CROCC2: variants seen among roughly 807,000 people sequenced by gnomAD.
CROCC2 encodes ciliary rootlet coiled-coil, rootletin family member 2, also known as ciliary rootlet coiled-coil protein 2.
A neutral mutation model predicts 177.6 loss-of-function variants in CROCC2; 163 were observed. The ratio of observed to expected loss-of-function variants is 0.92; its 90% confidence interval spans 0.81 to 1.05. CROCC2 has a LOEUF of 1.05. CROCC2 is among the 50% of genes least tolerant of loss of function. CROCC2 has a pLI of 0.00. For synonymous variants in CROCC2, 904 were observed against 787.3 expected (o/e 1.15, Z -2.48); for missense variants, 1,929 against 1,797.8 (o/e 1.07, Z -1.32).
At chr2:240,931,520 C>T (rs971884628) in intron 7 of CROCC2, among the ~76,000 whole-genome samples, 2 of 152,300 alleles carry the variant, frequency 1.3e-5, no homozygotes, top group East Asian at 1.9e-4. Flanking sequence ...ACCTCCTGCC[C>T]GATATGAAGG....
Position 240,933,120 on chromosome 2 carries a change from C to T in CROCC2, c.1252-11C>T, listed in dbSNP as rs977206468. On this transcript the variant is annotated splice_polypyrimidine_tract_variant and intron_variant, in intron 9 of 31. Transcript: ENST00000690015. ...GGCCAGAGAGGCCCACAACTTACCC[C>T]ACCCGAGCAGGAGCTGTGCCTGCAG... 1 of 1,550,074 alleles carries T rather than the reference C, an allele frequency of 6.5e-7. No individual in the cohort carries two copies. The highest frequency in any genetic ancestry group is 8.7e-7 in the Non-Finnish European group (1 of 1,146,850).
intron 14 of CROCC2, among the ~76,000 whole-genome samples, chr2:240,940,974 A>G (rs985232060): frequency 6.6e-6 from 1 of 152,216 alleles, no homozygotes; most frequent in Non-Finnish European, 1.5e-5. Flanking sequence ...GATCTGGTAA[A>G]TGAATTCAGC....
chr2:240,975,682 C>A (rs2059755772), intron 27 of CROCC2, among the ~76,000 whole-genome samples: 1 of 150,300 alleles, frequency 6.7e-6, no homozygotes. Context: ...AACAGCTTCC[C>A]TGGGGGCATC....
Position 240,960,058 on chromosome 2 carries a change from A to G in CROCC2, c.3087+614A>G, listed in dbSNP as rs963720573. On this transcript the variant is annotated intron_variant, in intron 20 of 31. Transcript: ENST00000690015. This position sits in a 1 kb window ranked among gnomAD's most constrained non-coding sequence, Gnocchi z 5.0. ...CACGCACAGTTAAGAAAGTGGAGTC[A>G]GGAAGGGCCTGACTCTGGAGGCACT... Among the ~76,000 whole-genome samples, 1 of 152,250 alleles carries G rather than the reference A, an allele frequency of 6.6e-6. No individual in the cohort carries two copies. Among genetic ancestry groups the G allele is most frequent in the African/African-American group, 2.4e-5 (1 of 41,472 alleles).
Position 240,993,116 on chromosome 2 carries a change from G to A in CROCC2, c.*35G>A, listed in dbSNP as rs1467732991. On this transcript the variant is annotated 3_prime_UTR_variant, in exon 32 of 32. Coordinates refer to ENST00000690015, the MANE Select transcript of CROCC2 (RefSeq NM_001351305.2). ...CACAGGGGAGGCGCCCAGCGTGGCT[G>A]CAGAGGAAGGGAACGCACCGCAGGT... 2 of 715,840 alleles carry A rather than the reference G, an allele frequency of 2.8e-6. No homozygotes were observed. The highest frequency in any genetic ancestry group is 5.2e-6 in the Non-Finnish European group (2 of 384,050). 44.3% of individuals were successfully genotyped at this position (715,840 alleles called of 1,614,324 possible). A position where few individuals can be genotyped will look rare whatever the true frequency, so the allele number is the denominator to read the frequency against.
chr2:240,949,817 T>G lies in CROCC2; in HGVS notation c.2652+115T>G. 7 of 1,092,070 alleles carry G rather than the reference T, an allele frequency of 6.4e-6. No homozygotes were observed. Among genetic ancestry groups the G allele is most frequent in the South Asian group, 1.6e-5 (1 of 60,768 alleles). 67.6% of individuals were successfully genotyped at this position (1,092,070 alleles called of 1,614,324 possible). Reference sequence around the variant, plus strand: ...GACAGAGCTCAGAGACATAGGCGCCTGGCCAGGGCTGGGCAAGGACCAGCT... The same window carrying G: ...GACAGAGCTCAGAGACATAGGCGCCGGGCCAGGGCTGGGCAAGGACCAGCT... On this transcript the variant is annotated intron_variant, in intron 17 of 31. Coordinates refer to ENST00000690015, the MANE Select transcript of CROCC2 (RefSeq NM_001351305.2). This position sits in a 1 kb window ranked among gnomAD's most constrained non-coding sequence, Gnocchi z 4.5.
At chr2:240,988,906 C>A in intron 29 of CROCC2, 36 bp downstream of exon 29, 1 of 1,376,722 alleles carries the variant, frequency 7.3e-7, no homozygotes, top group Non-Finnish European at 9.5e-7. Context: ...ATACCCCAGG[C>A]CTGGGGGCAG....
At chr2:240,934,833 T>A in intron 12 of CROCC2, 83 bp from the exon 13 acceptor site, 1 of 1,378,936 alleles carries the variant, frequency 7.3e-7, no homozygotes, top group Admixed American at 3.1e-5. Flanking sequence ...CCTCCGTGGC[T>A]CAGGGCTCAC....
intron 18 of CROCC2, among the ~76,000 whole-genome samples, chr2:240,951,171 C>G (rs1343711359): frequency 2.0e-5 from 3 of 151,852 alleles, no homozygotes; most frequent in Admixed American, 2.0e-4. Flanking sequence ...ACACACCTAC[C>G]CATTCATCCA....
At chr2:240,934,280 C>A in intron 11 of CROCC2, 51 bp from the exon 12 acceptor site, 1 of 1,530,840 alleles carries the variant, frequency 6.5e-7, no homozygotes, top group Non-Finnish European at 8.8e-7. Flanking sequence ...TCCCATGGGG[C>A]AGCCACTGCT....
At position 240,973,134 on chromosome 2, in the gene CROCC2, G is replaced by C. The variant is rs1482602647; in HGVS notation, c.4401+4872G>C. On this transcript the variant is annotated intron_variant, in intron 27 of 31. Transcript: ENST00000690015. This position sits in a 1 kb window ranked among gnomAD's most constrained non-coding sequence, Gnocchi z 4.7. ...GCTTTCATGGGTTGGTTTTTCCCCTGTTTCACATAAGCCGATGTGTTTGTC... is the reference window on the plus strand; with the variant it reads ...GCTTTCATGGGTTGGTTTTTCCCCTCTTTCACATAAGCCGATGTGTTTGTC... Among the ~76,000 whole-genome samples, 1 of 152,180 alleles carries C rather than the reference G, an allele frequency of 6.6e-6. No individual in the cohort carries two copies. The highest frequency in any genetic ancestry group is 1.5e-5 in the Non-Finnish European group (1 of 68,036).
At chr2:240,922,842 A>AG (rs1343622202) in intron 4 of CROCC2, among the ~76,000 whole-genome samples, 197 bp downstream of exon 4, 2 of 152,102 alleles carry the variant, frequency 1.3e-5, no homozygotes, top group African/African-American at 4.8e-5. Flanking sequence ...ACGGCTGGGA[A>AG]GGGGGACTGA....
chr2:240,955,539 C>T, intron 18 of CROCC2: 1 of 290,968 alleles, frequency 3.4e-6, no homozygotes, highest in Non-Finnish European at 6.5e-6. Context: ...CCCCAAACTG[C>T]ATGGGAAAGG....
At chr2:240,980,066 T>G (rs370610157) in intron 27 of CROCC2, among the ~76,000 whole-genome samples, 1 of 60,696 alleles carries the variant, frequency 1.6e-5, no homozygotes, top group African/African-American at 6.5e-5. Flanking sequence ...CCCTGCTCAG[T>G]CTCTGGGGTA....
Position 240,958,707 on chromosome 2 carries a change from C to T in CROCC2, c.2944-594C>T, listed in dbSNP as rs2059609982. The T allele has an allele frequency of 3.8e-6, 2 of 530,226 alleles. No individual in the cohort carries two copies. The highest frequency in any genetic ancestry group is 2.4e-6 in the Non-Finnish European group (1 of 413,770). 32.8% of individuals were successfully genotyped at this position (530,226 alleles called of 1,614,324 possible). The stretch of plus-strand genomic sequence containing the variant: ...CACTGAGGCCCAGGAAGCTGAGACC[C>T]CCTGAGCCCCATCTGCCCTGCTGCC... On this transcript the variant is annotated intron_variant, in intron 19 of 31. Coordinates refer to ENST00000690015, the MANE Select transcript of CROCC2 (RefSeq NM_001351305.2). The surrounding 1 kb of genome is among the most constrained non-coding windows in gnomAD (Gnocchi z 6.7).
At chr2:240,969,706 G>A (rs979630374) in intron 27 of CROCC2, among the ~76,000 whole-genome samples, 1 of 152,162 alleles carries the variant, frequency 6.6e-6, no homozygotes, top group African/African-American at 2.4e-5. Context: ...CTGCTCACAG[G>A]TTACACATTT....
At chr2:240,987,718 G>T (rs1310134214) in intron 28 of CROCC2, among the ~76,000 whole-genome samples, 2 of 152,248 alleles carry the variant, frequency 1.3e-5, no homozygotes, top group African/African-American at 2.4e-5. Context: ...GGGCATTGGG[G>T]CCAACAGAGG....
chr2:240,915,959 G>A (rs1457444336), intron 1 of CROCC2, among the ~76,000 whole-genome samples: 2 of 152,156 alleles, frequency 1.3e-5, no homozygotes, highest in Middle Eastern at 3.2e-3. Flanking sequence ...AGCCTCCAGC[G>A]GACGCTGGGC....
At chr2:240,945,735 C>T (rs2059519832) in intron 14 of CROCC2, among the ~76,000 whole-genome samples, 1 of 152,056 alleles carries the variant, frequency 6.6e-6, no homozygotes, top group South Asian at 2.1e-4. Context: ...CTGTTACCTT[C>T]TATTGCCATT....
Sources: gnomAD v4.1 joint callset for allele counts (sites outside exome capture counted in the v4.1 genomes callset) on GRCh38, gnomAD v4.1.1 for gene constraint, Gnocchi (gnomAD v3.1) non-coding constraint, MANE v1.5 for transcripts, NCBI Gene and HGNC (gene_info 2026-07-23, HGNC 2026-07-21) for gene names.